The following TSPAN15 variants were observed in gnomAD, a reference collection of about 807,000 sequenced individuals.
The protein encoded by TSPAN15 is tetraspanin 15.
TSPAN15 carries 20 observed loss-of-function variants against 34.5 expected under a neutral mutation model. The observed-to-expected ratio is 0.58, with a 90% CI of 0.41 to 0.84. The LOEUF (loss-of-function observed/expected upper bound fraction) is 0.84, where lower values mean the gene tolerates loss of function less well. Ranked by LOEUF, TSPAN15 falls within the 40% of genes least tolerant of loss-of-function variation. The probability of loss-of-function intolerance (pLI) is 0.00; values close to 1 mark genes in which losing one functional copy is unlikely to be tolerated. For synonymous variants in TSPAN15, 155 were observed against 153.9 expected (o/e 1.01, Z -0.05); for missense variants, 313 against 386.1 (o/e 0.81, Z 1.59).
intron 4 of TSPAN15, among the ~76,000 whole-genome samples, 164 bp downstream of exon 4, chr10:69,495,853 G>A (rs572118617): frequency 6.6e-6 from 1 of 152,258 alleles, no homozygotes; most frequent in East Asian, 1.9e-4. Flanking sequence ...GGCCCACCAA[G>A]GATGGGGAAG....
chr10:69,496,657 A>G (rs1277316007), intron 4 of TSPAN15, among the ~76,000 whole-genome samples: 3 of 152,208 alleles, frequency 2.0e-5, no homozygotes, highest in Admixed American at 6.5e-5. Flanking sequence ...TTCCTGGGAC[A>G]TAATCTTGGG....
At chr10:69,542,290 A>G in the TSPAN15 span, among the ~76,000 whole-genome samples, 1 of 152,194 alleles carries the variant, frequency 6.6e-6, no homozygotes, top group Non-Finnish European at 1.5e-5. Context: ...CATCACTATC[A>G]GCATTTTGGT....
chr10:69,530,004 T>C, the TSPAN15 span, among the ~76,000 whole-genome samples: 2 of 148,052 alleles, frequency 1.4e-5, no homozygotes, highest in Admixed American at 7.0e-5. Flanking sequence ...TCCAGGTTGC[T>C]GCAAATGCCA....
At chr10:69,452,827 C>A (rs1409154557) in intron 1 of TSPAN15, among the ~76,000 whole-genome samples, 1 of 152,208 alleles carries the variant, frequency 6.6e-6, no homozygotes, top group Non-Finnish European at 1.5e-5. Context: ...ACTGACACCC[C>A]ATTCCCACCA....
At chr10:69,473,693 G>T (rs1381086015) in intron 1 of TSPAN15, among the ~76,000 whole-genome samples, 1 of 152,132 alleles carries the variant, frequency 6.6e-6, no homozygotes, top group Non-Finnish European at 1.5e-5. Flanking sequence ...AGCAGAGCTG[G>T]GATTGGAGCC....
intron 1 of TSPAN15, among the ~76,000 whole-genome samples, chr10:69,466,344 C>T (rs1412899385): frequency 6.6e-6 from 1 of 152,096 alleles, no homozygotes; most frequent in Admixed American, 6.5e-5. Context: ...GCCTCAGATT[C>T]CCGTCTGCAA....
At chr10:69,485,626 G>A (rs527917553) in intron 3 of TSPAN15, among the ~76,000 whole-genome samples, 4 of 152,272 alleles carry the variant, frequency 2.6e-5, no homozygotes, top group Admixed American at 2.6e-4. Flanking sequence ...TGAGTTGGGA[G>A]CTTGGAGTTT....
In TSPAN15 at chr10:69,507,512, G is replaced by GA; in HGVS notation, c.*534_*535insA. ...AAGGGCGGCTGCTTCCTTGAGCCTA[G>GA]TTTTTTTACGTGATTTTTGTAACAT... On this transcript the variant is annotated 3_prime_UTR_variant, in exon 8 of 8. Transcript: ENST00000373290. The GA allele has an allele frequency of 7.7e-7, 1 of 1,304,326 alleles. No homozygotes were observed. Among genetic ancestry groups the GA allele is most frequent in the Non-Finnish European group, 1.0e-6 (1 of 989,140 alleles). 80.8% of individuals were successfully genotyped at this position (1,304,326 alleles called of 1,614,324 possible). A position where few individuals can be genotyped will look rare whatever the true frequency, so the allele number is the denominator to read the frequency against.
rs1841662335 is a variant in TSPAN15, at chr10:69,478,428, G to GAGAC, written c.97-5262_97-5259dup. Among the ~76,000 whole-genome samples the GAGAC allele has an allele frequency of 2.0e-5, 3 of 152,214 alleles. No homozygotes were observed. In the South Asian group the frequency reaches 6.2e-4, roughly 32 times the overall value. On this transcript the variant is annotated intron_variant, in intron 1 of 7. Coordinates refer to ENST00000373290, the MANE Select transcript of TSPAN15 (RefSeq NM_012339.5). Reference sequence around the variant, plus strand: ...GAGCCCTGGACCTCAAATACTCCATGAGACGGTTGTGGAATGAAGTGGTTC... The same window carrying GAGAC: ...GAGCCCTGGACCTCAAATACTCCATGAGACAGACGGTTGTGGAATGAAGTGGTTC...
At chr10:69,485,552 G>A (rs780513111) in intron 3 of TSPAN15, among the ~76,000 whole-genome samples, 2 of 152,134 alleles carry the variant, frequency 1.3e-5, no homozygotes, top group Non-Finnish European at 2.9e-5. Flanking sequence ...AGGTGGGGTG[G>A]AGAGGGGTGG....
In TSPAN15 at chr10:69,458,604, C is replaced by T. The variant is rs186870465; in HGVS notation, c.96+6914C>T. Among the ~76,000 whole-genome samples, 666 of 152,216 alleles carry T rather than the reference C, an allele frequency of 4.4e-3. 21 individuals are homozygous for T. Among genetic ancestry groups the T allele is most frequent in the Admixed American group, 0.03 (461 of 15,294 alleles). On this transcript the variant is annotated intron_variant, in intron 1 of 7. Transcript: ENST00000373290. ...TGGAGAAGTGGCCAGCCGTGCCTAA[C>T]GGGCTGTCAGAGATGATCTCATAGC...
intron 5 of TSPAN15, among the ~76,000 whole-genome samples, chr10:69,502,164 C>T (rs1378757265): frequency 6.6e-6 from 1 of 152,160 alleles, no homozygotes; most frequent in Non-Finnish European, 1.5e-5. Flanking sequence ...GGGAAAGTAA[C>T]CTTTTCCCTA....
chr10:69,490,401 T>G (rs115787091), intron 3 of TSPAN15, among the ~76,000 whole-genome samples: 11,068 of 152,108 alleles, frequency 0.073, 1,295 homozygotes, highest in African/African-American at 0.25. Context: ...TCCTGTAAAT[T>G]GCAACACTCC....
At chr10:69,509,223 C>T (rs1842390699), downstream of TSPAN15, among the ~76,000 whole-genome samples, 1 of 152,150 alleles carries the variant, frequency 6.6e-6, no homozygotes, top group African/African-American at 2.4e-5. Context: ...GCACCACTCA[C>T]AGACACCCCT....
the TSPAN15 span, among the ~76,000 whole-genome samples, chr10:69,537,239 C>T: frequency 2.0e-5 from 3 of 152,154 alleles, no homozygotes; most frequent in Admixed American, 2.0e-4. Context: ...ATGTGGCTGA[C>T]TGGGAGCTGG....
rs1222979338 is a variant in TSPAN15 at position 69,483,710 on chromosome 10, T to C, written c.116T>C (p.Leu39Pro). 7 of 1,614,114 alleles carry C rather than the reference T, an allele frequency of 4.3e-6. No homozygotes were observed. The highest frequency in any genetic ancestry group is 5.1e-6 in the Non-Finnish European group (6 of 1,179,964). ...TVFWLIGALV[L>P]SVGIYAEVER... ...CTGCAGCTGATTGGGGCCCTGGTCC[T>C]GTCTGTGGGCATCTATGCAGAGGTT... The change falls in exon 2 of 8, where the codon CTG (leucine) becomes CCG (proline). Residue 39 changes from leucine to proline, a missense_variant. Leu to Pro is a moderately conservative substitution (Grantham distance 98, BLOSUM62 -3). Transcript: ENST00000373290.
At position 69,498,401 on chromosome 10, in the gene TSPAN15, A is replaced by G. The variant is rs775518598; in HGVS notation, c.570+5A>G. On this transcript the variant is annotated splice_donor_5th_base_variant and intron_variant, in intron 5 of 7. Transcript: ENST00000373290. ...ACCTGCTGCATCAGGAACACGGTAG[A>G]CACTGCTCCTGTGGGGACTGGGGGG... 1 of 1,612,462 alleles carries G rather than the reference A, an allele frequency of 6.2e-7. No homozygotes were observed. Among genetic ancestry groups the G allele is most frequent in the Admixed American group, 1.7e-5 (1 of 60,008 alleles).
At chr10:69,498,042 T>A (rs1425021590) in intron 4 of TSPAN15, among the ~76,000 whole-genome samples, 1 of 152,094 alleles carries the variant, frequency 6.6e-6, no homozygotes. Flanking sequence ...TACCCTGATA[T>A]CCCACCAAGA....
chr10:69,526,781 T>A, the TSPAN15 span, among the ~76,000 whole-genome samples: 1 of 74,292 alleles, frequency 1.3e-5, no homozygotes, highest in Non-Finnish European at 2.3e-5. Flanking sequence ...AGTGAGACCC[T>A]GTCTCAAAAA....
Sources: gnomAD v4.1 joint callset for allele counts (sites outside exome capture counted in the v4.1 genomes callset) on GRCh38, gnomAD v4.1.1 for gene constraint, MANE v1.5 for transcripts, NCBI Gene and HGNC (gene_info 2026-07-23, HGNC 2026-07-21) for gene names.